Variants in STPG2 observed in about 807,000 individuals in gnomAD.
STPG2 encodes sperm-tail PG-rich repeat-containing protein 2.
In STPG2, 56 loss-of-function variants were observed where a neutral mutation model predicts 54.2. The ratio of observed to expected loss-of-function variants is 1.03; its 90% CI spans 0.83 to 1.29. The LOEUF is 1.29. STPG2 is among the 50% of genes most tolerant of loss of function. The probability of loss-of-function intolerance (pLI) is 0.00; values close to 1 mark genes in which losing one functional copy is unlikely to be tolerated. For missense variants in STPG2, 596 were observed against 544.9 expected, an observed-to-expected ratio of 1.09 and a Z score of -0.93; for synonymous variants, 200 against 181.8, an observed-to-expected ratio of 1.10 and a Z score of -0.81.
At chr4:97,567,047 T>C (rs948044208) in intron 10 of STPG2, among the ~76,000 whole-genome samples, 2 of 151,656 alleles carry the variant, frequency 1.3e-5, no homozygotes, top group Non-Finnish European at 2.9e-5. Flanking sequence ...ATAAAATAAA[T>C]AAATAAATAA....
chr4:98,025,454 G>C (rs1290634746), intron 5 of STPG2: 1 of 475,540 alleles, frequency 2.1e-6, no homozygotes, highest in Admixed American at 2.5e-5. Flanking sequence ...TAGAAGACGA[G>C]GAAAGGGTAA....
chr4:97,535,583 T>G (rs1731510350), intron 4 of STPG2, among the ~76,000 whole-genome samples: 1 of 152,212 alleles, frequency 6.6e-6, no homozygotes, highest in Non-Finnish European at 1.5e-5. Flanking sequence ...TTTCTCTATT[T>G]TGTATTGTCT....
intron 3 of STPG2, among the ~76,000 whole-genome samples, chr4:98,123,879 CATATATTTTTAGA>C (rs1739755545): frequency 1.3e-5 from 2 of 152,242 alleles, no homozygotes; most frequent in South Asian, 4.1e-4. Flanking sequence ...GTATTGGGCC[CATATATTTTTAGA>C]ATACTTAGCT....
intron 5 of STPG2, 129 bp downstream of exon 5, chr4:98,105,824 C>T (rs1739172623): frequency 2.5e-6 from 2 of 791,284 alleles, no homozygotes. Flanking sequence ...ATACTTCCTT[C>T]TACAATATTC....
intron 10 of STPG2, among the ~76,000 whole-genome samples, chr4:97,695,921 CACTGCCA>C (rs1723556470): frequency 2.0e-5 from 3 of 152,014 alleles, no homozygotes; most frequent in Non-Finnish European, 2.9e-5. Context: ...AAAATGACCA[CACTGCCA>C]AAGCAATCTA....
At chr4:97,567,197 CACACACACACACAT>C (rs1479722393) in intron 10 of STPG2, among the ~76,000 whole-genome samples, 3 of 145,442 alleles carry the variant, frequency 2.1e-5, no homozygotes, top group African/African-American at 7.4e-5. Flanking sequence ...GTAACACACA[CACACACACACACAT>C]ACACACACAC....
chr4:97,593,054 C>T (rs993528936), intron 10 of STPG2, among the ~76,000 whole-genome samples: 2 of 152,158 alleles, frequency 1.3e-5, no homozygotes, highest in African/African-American at 4.8e-5. Context: ...CCAGTTTGAT[C>T]TGAGCACTCC....
At chr4:97,960,395 G>C (rs534798174) in intron 7 of STPG2, among the ~76,000 whole-genome samples, 3 of 152,178 alleles carry the variant, frequency 2.0e-5, no homozygotes, top group South Asian at 4.1e-4. Context: ...AATTGGTAAA[G>C]AGAAAATAAA....
At chr4:97,831,259 C>T (rs192843643) in intron 9 of STPG2, among the ~76,000 whole-genome samples, 1 of 152,254 alleles carries the variant, frequency 6.6e-6, no homozygotes, top group Non-Finnish European at 1.5e-5. Context: ...GAACAATCTG[C>T]TCCTGAATGA....
chr4:97,594,583 T>C (rs1733232254), intron 10 of STPG2, among the ~76,000 whole-genome samples: 1 of 152,148 alleles, frequency 6.6e-6, no homozygotes, highest in African/African-American at 2.4e-5. Context: ...CTTCAGAATA[T>C]TGTTCATGAA....
At chr4:97,863,945 T>A (rs551214225) in intron 8 of STPG2, among the ~76,000 whole-genome samples, 24 of 152,196 alleles carry the variant, frequency 1.6e-4, no homozygotes, top group Admixed American at 3.9e-4. Flanking sequence ...ATGGGATGTA[T>A]CTAAAAATAA....
intron 7 of STPG2, among the ~76,000 whole-genome samples, chr4:97,964,763 T>C (rs947466257): frequency 1.3e-5 from 2 of 152,184 alleles, no homozygotes; most frequent in Non-Finnish European, 2.9e-5. Context: ...ACACTATACA[T>C]CTTAAAACTG....
At chr4:98,018,198 T>G (rs1367030583) in intron 5 of STPG2, among the ~76,000 whole-genome samples, 1 of 151,728 alleles carries the variant, frequency 6.6e-6, no homozygotes, top group Non-Finnish European at 1.5e-5. Context: ...CCCCAGAGTG[T>G]GATGTTCCCC....
intron 5 of STPG2, among the ~76,000 whole-genome samples, chr4:97,999,386 C>G (rs575607676): frequency 6.6e-6 from 1 of 152,220 alleles, no homozygotes; most frequent in South Asian, 2.1e-4. Flanking sequence ...TGAATGTAAG[C>G]AATTATCAGA....
intron 8 of STPG2, among the ~76,000 whole-genome samples, chr4:97,886,838 G>A (rs1013638702): frequency 5.9e-5 from 9 of 152,182 alleles, no homozygotes; most frequent in East Asian, 1.9e-4. Flanking sequence ...GTGGTTGCTC[G>A]TGAACGCTTT....
At chr4:97,894,983 G>C (rs569824585) in intron 8 of STPG2, among the ~76,000 whole-genome samples, 2 of 151,994 alleles carry the variant, frequency 1.3e-5, no homozygotes, top group African/African-American at 4.8e-5. Flanking sequence ...ACTCTCTAAA[G>C]TTTTTAAATA....
chr4:97,555,475 T>C (rs1208683251), downstream of STPG2, among the ~76,000 whole-genome samples: 3 of 152,162 alleles, frequency 2.0e-5, no homozygotes, highest in African/African-American at 7.2e-5. Context: ...ATGAAATTTC[T>C]ATAAGATTAA....
At chr4:97,790,987 GC>G (rs1275356502) in intron 9 of STPG2, among the ~76,000 whole-genome samples, 1 of 151,902 alleles carries the variant, frequency 6.6e-6, no homozygotes, top group Non-Finnish European at 1.5e-5. Context: ...CATCAGTTAC[GC>G]AAATTCTACC....
intron 10 of STPG2, among the ~76,000 whole-genome samples, chr4:97,667,046 T>C (rs912430079): frequency 6.6e-5 from 10 of 152,190 alleles, no homozygotes; most frequent in Admixed American, 3.9e-4. Flanking sequence ...CCTATGTTTC[T>C]AAAGCAGTCA....
Sources: gnomAD v4.1 joint callset for allele counts (sites outside exome capture counted in the v4.1 genomes callset) on GRCh38, gnomAD v4.1.1 for gene constraint, MANE v1.5 for transcripts, NCBI Gene and HGNC (gene_info 2026-07-23, HGNC 2026-07-21) for gene names.